LRRTM4: variants seen among roughly 807,000 people sequenced by gnomAD.
LRRTM4 encodes the protein leucine rich repeat transmembrane neuronal 4.
In LRRTM4, 25 loss-of-function variants were observed where a neutral mutation model predicts 47.6. The observed-to-expected ratio is 0.53, with a 90% CI of 0.38 to 0.73. The LOEUF (loss-of-function observed/expected upper bound fraction) is 0.73, where lower values mean the gene tolerates loss of function less well. Among genes scored for constraint, LRRTM4 ranks in the 30% least tolerant of loss-of-function variants. The pLI is 0.00. For missense variants in LRRTM4, 638 were observed against 713.4 expected (o/e 0.89, Z 1.20); for synonymous variants, 311 against 269.5 (o/e 1.15, Z -1.51).
At chr2:77,186,916 G>C (rs1036636734) in intron 3 of LRRTM4, among the ~76,000 whole-genome samples, 13 of 152,100 alleles carry the variant, frequency 8.5e-5, no homozygotes, top group Non-Finnish European at 1.5e-4. Context: ...TTACATTTTG[G>C]TGAAGATAAG....
chr2:76,953,456 A>G (rs1270654289), intron 3 of LRRTM4, among the ~76,000 whole-genome samples: 1 of 151,924 alleles, frequency 6.6e-6, no homozygotes, highest in Non-Finnish European at 1.5e-5. Flanking sequence ...ACTGCTCACA[A>G]TTGGTAGGAA....
intron 3 of LRRTM4, among the ~76,000 whole-genome samples, chr2:77,160,092 C>T (rs1448367118): frequency 1.3e-5 from 2 of 152,152 alleles, no homozygotes; most frequent in African/African-American, 4.8e-5. Context: ...ATCTTCAAAC[C>T]TTTCAGCCCT....
chr2:77,030,256 C>A (rs1016897395), intron 3 of LRRTM4, among the ~76,000 whole-genome samples: 5 of 152,208 alleles, frequency 3.3e-5, no homozygotes, highest in African/African-American at 4.8e-5. Context: ...CACAGTGAAA[C>A]CCTGTCTCTA....
At chr2:77,140,073 C>A (rs565510017) in intron 3 of LRRTM4, among the ~76,000 whole-genome samples, 1 of 152,226 alleles carries the variant, frequency 6.6e-6, no homozygotes, top group African/African-American at 2.4e-5. Flanking sequence ...AGATTCAATG[C>A]CATCCCCATC....
chr2:76,801,048 C>G (rs937897531), intron 3 of LRRTM4, among the ~76,000 whole-genome samples: 3 of 148,932 alleles, frequency 2.0e-5, no homozygotes, highest in Non-Finnish European at 4.5e-5. Context: ...AATAGGAACA[C>G]TTTTACACTG....
chr2:77,340,034 C>T (rs1671311337), intron 3 of LRRTM4, among the ~76,000 whole-genome samples: 1 of 151,736 alleles, frequency 6.6e-6, no homozygotes, highest in Admixed American at 6.6e-5. Context: ...AAAACAGATG[C>T]CATGAAAAAC....
chr2:77,087,331 T>C (rs763875336), intron 3 of LRRTM4, among the ~76,000 whole-genome samples: 11 of 152,348 alleles, frequency 7.2e-5, no homozygotes, highest in Admixed American at 2.0e-4. Flanking sequence ...TCCTAGAATC[T>C]GGTAGAAACA....
chr2:76,961,935 T>A (rs900756665), intron 3 of LRRTM4, among the ~76,000 whole-genome samples: 2 of 151,370 alleles, frequency 1.3e-5, no homozygotes. Context: ...TTTGCAATTA[T>A]GAATTTATTC....
At chr2:76,834,110 G>A (rs1671440629) in intron 3 of LRRTM4, among the ~76,000 whole-genome samples, 1 of 151,210 alleles carries the variant, frequency 6.6e-6, no homozygotes, top group Non-Finnish European at 1.5e-5. Context: ...GCACCATCTT[G>A]GCTCACTGCA....
At chr2:76,915,762 A>G (rs975588184) in intron 3 of LRRTM4, among the ~76,000 whole-genome samples, 1 of 147,888 alleles carries the variant, frequency 6.8e-6, no homozygotes, top group Non-Finnish European at 1.5e-5. Flanking sequence ...TTTCAAATAA[A>G]GAAACATTTT....
intron 3 of LRRTM4, among the ~76,000 whole-genome samples, chr2:77,318,059 T>G (rs1422282767): frequency 1.4e-5 from 2 of 139,270 alleles, no homozygotes; most frequent in African/African-American, 2.8e-5. Context: ...CAGGCTGGAG[T>G]GCAGTGGCGC....
chr2:77,243,324 T>G (rs1675323188), intron 3 of LRRTM4, among the ~76,000 whole-genome samples: 1 of 149,484 alleles, frequency 6.7e-6, no homozygotes, highest in African/African-American at 2.5e-5. Flanking sequence ...GCAGGAGAAT[T>G]GCTTGAACCT....
At chr2:77,003,792 C>T (rs1057354978) in intron 3 of LRRTM4, among the ~76,000 whole-genome samples, 5 of 144,226 alleles carry the variant, frequency 3.5e-5, no homozygotes, top group Non-Finnish European at 7.4e-5. Context: ...GAGGTTGCAA[C>T]AGATTGGAGG....
intron 3 of LRRTM4, among the ~76,000 whole-genome samples, chr2:76,812,784 C>CTCTCCCTCCCCCCTTCCTCCTCG (rs1670781934): frequency 8.0e-6 from 1 of 124,696 alleles, no homozygotes; most frequent in African/African-American, 3.1e-5. Flanking sequence ...CCCCCTCCTC[C>CTCTCCCTCCCCCCTTCCTCCTCG]TCTCCCTCCC....
At chr2:77,330,633 G>T (rs1245007465) in intron 3 of LRRTM4, among the ~76,000 whole-genome samples, 1 of 152,124 alleles carries the variant, frequency 6.6e-6, no homozygotes, top group African/African-American at 2.4e-5. Context: ...ATGTGCATAT[G>T]CATGTGTATA....
At chr2:77,304,434 T>G (rs1464759757) in intron 3 of LRRTM4, among the ~76,000 whole-genome samples, 1 of 152,096 alleles carries the variant, frequency 6.6e-6, no homozygotes, top group South Asian at 2.1e-4. Context: ...AGAAGAGGTA[T>G]TGGGTTTAGT....
At chr2:77,075,514 T>C (rs1304504326) in intron 3 of LRRTM4, among the ~76,000 whole-genome samples, 1 of 152,206 alleles carries the variant, frequency 6.6e-6, no homozygotes, top group African/African-American at 2.4e-5. Flanking sequence ...TTAGGATCCC[T>C]TTTGTAAACT....
intron 3 of LRRTM4, among the ~76,000 whole-genome samples, chr2:77,085,963 C>T (rs1045841620): frequency 2.0e-5 from 3 of 152,224 alleles, no homozygotes; most frequent in South Asian, 4.1e-4. Flanking sequence ...ATTGTCACTC[C>T]ACAATGGACT....
chr2:77,003,804 C>A (rs1011359704), intron 3 of LRRTM4, among the ~76,000 whole-genome samples: 2 of 152,106 alleles, frequency 1.3e-5, no homozygotes, highest in Non-Finnish European at 2.9e-5. Context: ...GATTGGAGGG[C>A]TCAGAAGACA....
Sources: allele counts gnomAD v4.1 joint callset (sites outside exome capture counted in the v4.1 genomes callset), GRCh38; gene constraint gnomAD v4.1.1; transcripts MANE v1.5; gene names NCBI Gene and HGNC (gene_info 2026-07-23, HGNC 2026-07-21).